KIF6: variants seen among roughly 807,000 people sequenced by gnomAD.
KIF6 encodes kinesin-like protein KIF6.
In KIF6, 106 loss-of-function variants were observed where a neutral mutation model predicts 112.7. The observed-to-expected ratio is 0.94, with a 90% confidence interval of 0.80 to 1.11. The LOEUF (loss-of-function observed/expected upper bound fraction) is 1.11. KIF6 is among the 50% of genes least tolerant of loss of function. KIF6 has a pLI of 0.00. For synonymous variants in KIF6, 339 were observed against 339.9 expected (o/e 1.00, Z 0.03); for missense variants, 929 against 964.0 (o/e 0.96, Z 0.48).
intron 13 of KIF6, among the ~76,000 whole-genome samples, chr6:39,486,522 A>C (rs1419014951): frequency 6.6e-6 from 1 of 151,648 alleles, no homozygotes; most frequent in Non-Finnish European, 1.5e-5. Context: ...AGCTATAATA[A>C]AATGATTGCT....
intron 13 of KIF6, among the ~76,000 whole-genome samples, chr6:39,440,113 G>A (rs1771822673): frequency 6.6e-6 from 1 of 152,098 alleles, no homozygotes; most frequent in East Asian, 1.9e-4. Flanking sequence ...AAGACCAGCA[G>A]GGGACGATGA....
chr6:39,545,641 C>T lies in KIF6; in HGVS notation c.1229G>A (p.Ser410Asn). 1 of 1,613,752 alleles carries T rather than the reference C, an allele frequency of 6.2e-7. No individual in the cohort carries two copies. Among genetic ancestry groups the T allele is most frequent in the South Asian group, 1.1e-5 (1 of 91,066 alleles). The stretch of plus-strand genomic sequence containing the variant: ...CATATCCGCGCCAACCTCTAATCTA[C>T]TGTCTGAATCCTGGTCTTCCAAAAA... Reference protein sequence around the residue: ...TSFLEDQDSDSRLEVGADMRK... With the variant: ...TSFLEDQDSDNRLEVGADMRK... Residue 410 changes from serine (S) to asparagine (N), a missense_variant, in exon 11 of 23, where the codon AGT becomes AAT. Transcript: ENST00000287152.
At chr6:39,553,722 G>A (rs1779526184) in intron 10 of KIF6, 1 of 152,150 alleles carries the variant, frequency 6.6e-6, no homozygotes, top group Admixed American at 6.5e-5. Context: ...TATGTCTTAT[G>A]ACTAAACATT....
In KIF6 at chr6:39,531,441, T is replaced by G. The variant is rs1047526036; in HGVS notation, c.1645+8562A>C. Among the ~76,000 whole-genome samples the G allele has an allele frequency of 5.3e-5, 8 of 152,230 alleles. No individual in the cohort carries two copies. The South Asian group carries it at 1.7e-3, about 32-fold the overall frequency. On this transcript the variant is annotated intron_variant, in intron 13 of 22. Transcript: ENST00000287152. The stretch of plus-strand genomic sequence containing the variant: ...AGAAGACATAGAAATAGAAAAGGCC[T>G]GGCACACAACAAGGGGCTGGGCAGT...
chr6:39,338,155 T>C (rs1763131978), intron 22 of KIF6, among the ~76,000 whole-genome samples: 1 of 152,144 alleles, frequency 6.6e-6, no homozygotes, highest in South Asian at 2.1e-4. Context: ...TTGGATGAAG[T>C]AATAAATACA....
At chr6:39,685,779 A>G (rs1488957430) in intron 3 of KIF6, among the ~76,000 whole-genome samples, 1 of 152,242 alleles carries the variant, frequency 6.6e-6, no homozygotes, top group Non-Finnish European at 1.5e-5. Context: ...CATGGGGCAC[A>G]GTAGTTGCCA....
chr6:39,387,402 C>T (rs917153752), intron 15 of KIF6, among the ~76,000 whole-genome samples: 1 of 152,176 alleles, frequency 6.6e-6, no homozygotes, highest in Admixed American at 6.5e-5. Context: ...GCCACTATCT[C>T]CAGACACATC....
At chr6:39,371,784 C>T (rs763883550) in intron 16 of KIF6, among the ~76,000 whole-genome samples, 7 of 152,002 alleles carry the variant, frequency 4.6e-5, no homozygotes, top group Admixed American at 6.5e-5. Flanking sequence ...GGTAAGGAAC[C>T]GCCCAATAAG....
intron 16 of KIF6, among the ~76,000 whole-genome samples, chr6:39,372,498 A>G (rs561105078): frequency 1.3e-4 from 20 of 152,358 alleles, no homozygotes; most frequent in African/African-American, 4.6e-4. Context: ...TACCACTTCT[A>G]TCACAATGAT....
At chr6:39,369,736 G>A (rs183246809) in intron 16 of KIF6, among the ~76,000 whole-genome samples, 1 of 152,210 alleles carries the variant, frequency 6.6e-6, no homozygotes, top group East Asian at 1.9e-4. Context: ...GAGACCCTAG[G>A]GCCATACACC....
intron 13 of KIF6, among the ~76,000 whole-genome samples, chr6:39,508,842 T>C (rs1582010879): frequency 6.6e-6 from 1 of 152,188 alleles, no homozygotes; most frequent in South Asian, 2.1e-4. Context: ...GACTTAAATG[T>C]CCCTGCCTGC....
chr6:39,700,130 T>C (rs1406131836), intron 3 of KIF6, among the ~76,000 whole-genome samples: 2 of 152,250 alleles, frequency 1.3e-5, no homozygotes, highest in Non-Finnish European at 2.9e-5. Flanking sequence ...CCTCAAGCAT[T>C]TATCCTTTGT....
intron 9 of KIF6, among the ~76,000 whole-genome samples, chr6:39,583,819 A>G (rs1434324484): frequency 1.3e-5 from 2 of 151,410 alleles, no homozygotes; most frequent in East Asian, 1.9e-4. Flanking sequence ...TACAATTGAG[A>G]TAGTTTAACA....
chr6:39,722,706 A>G (rs1471942973), intron 1 of KIF6, among the ~76,000 whole-genome samples: 1 of 152,222 alleles, frequency 6.6e-6, no homozygotes, highest in African/African-American at 2.4e-5. Context: ...AGAACTCTAC[A>G]ATCTTTTGCG....
At chr6:39,438,823 C>T (rs1771730653) in intron 13 of KIF6, among the ~76,000 whole-genome samples, 1 of 152,146 alleles carries the variant, frequency 6.6e-6, no homozygotes, top group South Asian at 2.1e-4. Flanking sequence ...CTCACCCAAA[C>T]CAACTCCGTC....
chr6:39,574,557 G>A (rs1194127215), intron 10 of KIF6, among the ~76,000 whole-genome samples: 5 of 152,102 alleles, frequency 3.3e-5, no homozygotes, highest in Non-Finnish European at 1.5e-5. Flanking sequence ...TTGATTTAGA[G>A]TAATTTTTTT....
chr6:39,590,012 A>C (rs1393749064), intron 7 of KIF6, among the ~76,000 whole-genome samples: 1 of 152,228 alleles, frequency 6.6e-6, no homozygotes, highest in Admixed American at 6.5e-5. Flanking sequence ...CTAGGAAGGC[A>C]GTATGAAGGT....
intron 10 of KIF6, among the ~76,000 whole-genome samples, chr6:39,572,971 T>C (rs1218037409): frequency 6.7e-6 from 1 of 149,954 alleles, no homozygotes; most frequent in Non-Finnish European, 1.5e-5. Context: ...GGGCTAGTCA[T>C]TAACAGACAT....
At position 39,337,787 on chromosome 6, in the gene KIF6, G is replaced by A. The variant is rs1039159656; in HGVS notation, c.2429-1239C>T. 5.9e-5 allele frequency among the ~76,000 whole-genome samples: 9 copies of A among 152,290 alleles called. No individual in the cohort carries two copies. The South Asian group carries it at 8.3e-4, about 14-fold the overall frequency. On this transcript the variant is annotated intron_variant, in intron 22 of 22. Transcript: ENST00000287152. ...CTGGATTGAGAACCAGGGCCCTTGC[G>A]TTCTAGCCAGGACAGTCCCCAACCC...
Sources: allele counts gnomAD v4.1 joint callset (sites outside exome capture counted in the v4.1 genomes callset), GRCh38; gene constraint gnomAD v4.1.1; transcripts MANE v1.5; gene names NCBI Gene and HGNC (gene_info 2026-07-23, HGNC 2026-07-21).